Variants in ARHGEF28 observed in about 807,000 individuals in gnomAD.
ARHGEF28 encodes the protein Rho guanine nucleotide exchange factor 28.
A neutral mutation model predicts 206.6 loss-of-function variants in ARHGEF28; 152 were observed. The ratio of observed to expected loss-of-function variants is 0.74; its 90% CI spans 0.64 to 0.84. The LOEUF (loss-of-function observed/expected upper bound fraction) is 0.84, where lower values mean the gene tolerates loss of function less well. ARHGEF28 is among the 40% of genes least tolerant of loss of function. The probability of loss-of-function intolerance (pLI) is 0.00; values close to 1 mark genes in which losing one functional copy is unlikely to be tolerated. For synonymous variants in ARHGEF28, 763 were observed against 776.4 expected (o/e 0.98, Z 0.29); for missense variants, 2,028 against 2,073.2 (o/e 0.98, Z 0.42).
intron 9 of ARHGEF28, among the ~76,000 whole-genome samples, chr5:73,816,890 T>G (rs1010308080): frequency 3.9e-5 from 6 of 152,206 alleles, no homozygotes; most frequent in Non-Finnish European, 8.8e-5. Flanking sequence ...AGTTAATGAT[T>G]GGAGTGGGCC....
At chr5:73,755,187 A>G (rs1054338482) in intron 4 of ARHGEF28, among the ~76,000 whole-genome samples, 31 of 151,696 alleles carry the variant, frequency 2.0e-4, no homozygotes, top group African/African-American at 7.5e-4. Context: ...ATAAATTTAT[A>G]TATCTATGAT....
chr5:73,770,362 T>C (rs1223407629), intron 4 of ARHGEF28, among the ~76,000 whole-genome samples: 8 of 152,346 alleles, frequency 5.3e-5, no homozygotes, highest in African/African-American at 2.4e-5. Context: ...GAATGGCTTA[T>C]TGAATGGCAC....
At chr5:73,804,009 C>T (rs571351365) in intron 9 of ARHGEF28, among the ~76,000 whole-genome samples, 12 of 144,016 alleles carry the variant, frequency 8.3e-5, no homozygotes, top group Non-Finnish European at 1.5e-4. Context: ...GGCTTGAGCC[C>T]AGGAGTTCAA....
chr5:73,910,250 G>A lies in ARHGEF28; in HGVS notation c.4647+353G>A, dbSNP rs564881273. On this transcript the variant is annotated intron_variant, in intron 34 of 35. Coordinates refer to ENST00000513042, the MANE Select transcript of ARHGEF28 (RefSeq NM_001177693.2). ...ACAAAAATTAGCTGGGCTTGGTGGCGGGCCTCTGTAATCCCAGCTACTCAG... is the reference window on the plus strand; with the variant it reads ...ACAAAAATTAGCTGGGCTTGGTGGCAGGCCTCTGTAATCCCAGCTACTCAG... 7.8e-4 allele frequency among the ~76,000 whole-genome samples: 118 copies of A among 151,644 alleles called. 3 individuals are homozygous for A. Among genetic ancestry groups the A allele is most frequent in the African/African-American group, 2.6e-3 (108 of 41,306 alleles).
chr5:73,752,868 C>T, intron 3 of ARHGEF28, 41 bp from the exon 4 acceptor site: 1 of 1,608,656 alleles, frequency 6.2e-7, no homozygotes, highest in Non-Finnish European at 8.5e-7. Context: ...AGAGCATCTC[C>T]TACAGACTTG....
intron 2 of ARHGEF28, among the ~76,000 whole-genome samples, chr5:73,741,385 GTATATATATATATATATATATATATA>G (rs67973637): frequency 0.048 from 1,047 of 21,654 alleles, 16 homozygotes; most frequent in Non-Finnish European, 0.063. Flanking sequence ...GTGTGTGTGT[GTATATATATATATATATATATATATA>G]TATATATATA....
At chr5:73,708,528 A>G (rs1463330637) in intron 2 of ARHGEF28, among the ~76,000 whole-genome samples, 1 of 152,172 alleles carries the variant, frequency 6.6e-6, no homozygotes, top group East Asian at 1.9e-4. Context: ...TACAAAGGAC[A>G]TGATTTGATT....
chr5:73,851,406 C>CT (rs77725087), intron 13 of ARHGEF28, among the ~76,000 whole-genome samples: 2,229 of 139,320 alleles, frequency 0.016, 26 homozygotes, highest in Admixed American at 0.026. Flanking sequence ...TCTCATGCGT[C>CT]TTTTTTTTTT....
intron 4 of ARHGEF28, among the ~76,000 whole-genome samples, chr5:73,767,746 T>C (rs916869816): frequency 5.9e-5 from 9 of 152,148 alleles, no homozygotes; most frequent in African/African-American, 2.2e-4. Flanking sequence ...GAGGAGAAAT[T>C]CAAGCTGGCT....
intron 1 of ARHGEF28, among the ~76,000 whole-genome samples, chr5:73,661,278 C>T (rs187320213): frequency 1.3e-5 from 2 of 152,248 alleles, no homozygotes; most frequent in East Asian, 3.9e-4. Context: ...GCTTCTTTAC[C>T]TCTCTTAGCC....
rs185390615 is a variant in ARHGEF28, at chr5:73,803,917, T to C, written c.1024+8526T>C. On this transcript the variant is annotated intron_variant, in intron 9 of 35. Coordinates refer to ENST00000513042, the MANE Select transcript of ARHGEF28 (RefSeq NM_001177693.2). ...ACCTGGGCAACATAGTGAGACCCTG[T>C]CTCTACAAAAATTTTAAAAAATTAG... 9.0e-4 allele frequency among the ~76,000 whole-genome samples: 137 copies of C among 151,912 alleles called. 2 individuals are homozygous for C. Among genetic ancestry groups the C allele is most frequent in the African/African-American group, 2.9e-3 (122 of 41,436 alleles).
intron 35 of ARHGEF28, among the ~76,000 whole-genome samples, chr5:73,939,736 T>A (rs1184258078): frequency 6.6e-6 from 1 of 152,212 alleles, no homozygotes; most frequent in Non-Finnish European, 1.5e-5. Flanking sequence ...CTGCCTTCTC[T>A]AGCAACCAAA....
intron 1 of ARHGEF28, among the ~76,000 whole-genome samples, chr5:73,665,662 G>A (rs1199738617): frequency 6.6e-6 from 1 of 152,006 alleles, no homozygotes; most frequent in African/African-American, 2.4e-5. Context: ...AGGAAGAGGG[G>A]GCCAAACGTC....
At position 73,890,837 on chromosome 5, in the gene ARHGEF28, A is replaced by G. The variant is rs561214618; in HGVS notation, c.3388-1215A>G. On this transcript the variant is annotated intron_variant, in intron 26 of 35. Transcript: ENST00000513042. ...GCCACAGACCAAAGAAGAATTCTTC[A>G]TATTATCCCCCAAACTGTTCATCTT... Among the ~76,000 whole-genome samples, 3 of 152,348 alleles carry G rather than the reference A, an allele frequency of 2.0e-5. No individual in the cohort carries two copies. The East Asian group carries it at 5.8e-4, about 29-fold the overall frequency.
chr5:73,638,961 T>A (rs1743891896), intron 1 of ARHGEF28, among the ~76,000 whole-genome samples: 1 of 152,168 alleles, frequency 6.6e-6, no homozygotes, highest in African/African-American at 2.4e-5. Flanking sequence ...TTTCCTTTTT[T>A]CCCTTCTTTA....
intron 35 of ARHGEF28, among the ~76,000 whole-genome samples, chr5:73,928,232 A>T (rs181375451): frequency 6.6e-5 from 10 of 152,310 alleles, no homozygotes; most frequent in South Asian, 4.1e-4. Flanking sequence ...CCTGACCAAC[A>T]TGGTAAAACC....
chr5:73,628,887 T>C (rs1743179769), intron 1 of ARHGEF28, among the ~76,000 whole-genome samples: 1 of 152,256 alleles, frequency 6.6e-6, no homozygotes, highest in Admixed American at 6.5e-5. Flanking sequence ...CTCTGCCATT[T>C]TGTCCAGTCT....
At chr5:73,874,570 C>T (rs1418811340) in intron 22 of ARHGEF28, among the ~76,000 whole-genome samples, 30 of 106,010 alleles carry the variant, frequency 2.8e-4, no homozygotes, top group African/African-American at 1.0e-3. Context: ...CCTCCCCCCT[C>T]CCCCCACCCC....
intron 21 of ARHGEF28, among the ~76,000 whole-genome samples, chr5:73,871,730 A>G (rs1580014262): frequency 6.6e-6 from 1 of 152,220 alleles, no homozygotes; most frequent in East Asian, 1.9e-4. Flanking sequence ...TCATCACTTC[A>G]AAAATCCTGT....
Sources: allele counts gnomAD v4.1 joint callset (sites outside exome capture counted in the v4.1 genomes callset), GRCh38; gene constraint gnomAD v4.1.1; transcripts MANE v1.5; gene names NCBI Gene and HGNC (gene_info 2026-07-23, HGNC 2026-07-21).